R3HDM1: variants seen among roughly 807,000 people sequenced by gnomAD.
R3HDM1 encodes the protein R3H domain containing 1, also known as R3H domain-containing protein 1.
Under a neutral mutation model 141.1 loss-of-function variants are expected in R3HDM1, and 46 were observed. That is an observed-to-expected ratio of 0.33 (90% confidence interval 0.26 to 0.42). The LOEUF is 0.42. Among genes scored for constraint, R3HDM1 ranks in the 10% least tolerant of loss-of-function variants. The pLI, the probability that R3HDM1 is intolerant of heterozygous loss-of-function variation, is 1.00. For missense variants in R3HDM1, 1,184 were observed against 1,368.3 expected, an observed-to-expected ratio of 0.87 and a Z score of 2.12; for synonymous variants, 435 against 472.9, an observed-to-expected ratio of 0.92 and a Z score of 1.04.
chr2:135,615,601 G>A (rs2060949390), intron 3 of R3HDM1, among the ~76,000 whole-genome samples: 1 of 152,038 alleles, frequency 6.6e-6, no homozygotes. Context: ...CTGCTTCATT[G>A]CCTCACCTCA....
At chr2:135,714,190 C>T (rs889021880) in intron 23 of R3HDM1, among the ~76,000 whole-genome samples, 1 of 152,086 alleles carries the variant, frequency 6.6e-6, no homozygotes, top group Non-Finnish European at 1.5e-5. Flanking sequence ...GTTAACAAAG[C>T]AGTCGAAGTA....
intron 21 of R3HDM1, among the ~76,000 whole-genome samples, chr2:135,705,683 C>T (rs1251377750): frequency 6.6e-6 from 1 of 152,012 alleles, no homozygotes; most frequent in African/African-American, 2.4e-5. Flanking sequence ...AAGTAAGTTT[C>T]TAACTTTAAA....
chr2:135,582,478 C>T (rs1309939397), intron 1 of R3HDM1, among the ~76,000 whole-genome samples: 1 of 152,132 alleles, frequency 6.6e-6, no homozygotes, highest in Non-Finnish European at 1.5e-5. Context: ...AATGAGGAAG[C>T]TTCCAGAGTT....
chr2:135,678,757 C>CTTTTT (rs397738151), intron 20 of R3HDM1, among the ~76,000 whole-genome samples: 1 of 84,194 alleles, frequency 1.2e-5, no homozygotes, highest in African/African-American at 4.6e-5. Flanking sequence ...TACTGGCTTG[C>CTTTTT]TTTTTTTTTT....
Position 135,651,927 on chromosome 2 carries a change from A to G in R3HDM1, c.1923A>G (p.Leu641=). 3 of 1,613,002 alleles carry G rather than the reference A, an allele frequency of 1.9e-6. No homozygotes were observed. In the South Asian group the frequency reaches 3.3e-5, roughly 18 times the overall value. The change falls in exon 18 of 27, where the codon CTA becomes CTG. Residue 641 remains leucine, a synonymous_variant. Transcript: ENST00000683871. ...PPPPPPPPPP[L]PPGQPVPTAG... ...CACCACCACCTCCTCCTCCTCCCCT[A>G]CCACCTGGGCAGCCAGTCCCTACTG...
intron 15 of R3HDM1, among the ~76,000 whole-genome samples, chr2:135,642,324 A>G (rs1014579724): frequency 2.0e-5 from 3 of 152,156 alleles, no homozygotes; most frequent in African/African-American, 7.2e-5. Context: ...ATGTATTAAT[A>G]TTGACAATAC....
At chr2:135,616,053 T>C (rs1417358377) in intron 3 of R3HDM1, 99 bp from the exon 4 acceptor site, 3 of 1,187,606 alleles carry the variant, frequency 2.5e-6, no homozygotes, top group Non-Finnish European at 3.7e-6. Context: ...TTTCATACTT[T>C]ATGCACAGTT....
intron 1 of R3HDM1, among the ~76,000 whole-genome samples, chr2:135,591,989 C>G (rs1709386391): frequency 6.6e-6 from 1 of 152,180 alleles, no homozygotes; most frequent in African/African-American, 2.4e-5. Context: ...CTTCAGTGTT[C>G]AGAGTTTTTA....
chr2:135,645,250 T>A, intron 15 of R3HDM1, 129 bp from the exon 16 acceptor site: 1 of 795,236 alleles, frequency 1.3e-6, no homozygotes, highest in Non-Finnish European at 1.9e-6. Context: ...AATCTTTGTT[T>A]TCAAATATTA....
chr2:135,633,896 A>C (rs2062978320), intron 9 of R3HDM1: 1 of 152,232 alleles, frequency 6.6e-6, no homozygotes, highest in Non-Finnish European at 1.5e-5. Flanking sequence ...AGCTGCTCTT[A>C]GAAAAGTTGC....
In R3HDM1 at chr2:135,724,281, A is replaced by G. The variant is rs769786901; in HGVS notation, c.3394A>G (p.Ser1132Gly). 6 of 1,608,314 alleles carry G rather than the reference A, an allele frequency of 3.7e-6. No homozygotes were observed. Among genetic ancestry groups the G allele is most frequent in the East Asian group, 2.2e-5 (1 of 44,762 alleles). The change falls in exon 27 of 27, where the codon AGT becomes GGT. Residue 1132 changes from serine (S) to glycine (G), a missense_variant. Ser to Gly is a moderately conservative substitution (Grantham distance 56, BLOSUM62 0). This residue lies in a region of R3HDM1 where 182 missense variants were observed against 252.6 expected (regional missense o/e 0.72). Transcript: ENST00000683871. ...TGACTTTCACATTTTGGAAAGGGCA[A>G]GTTCTCAGTAACAGCCACCTTTGGA... The part of the protein sequence containing the change: ...HYDFHILERA[S>G]SQ
intron 19 of R3HDM1, among the ~76,000 whole-genome samples, chr2:135,674,073 AG>A (rs1281696460): frequency 1.8e-4 from 28 of 152,120 alleles, no homozygotes; most frequent in African/African-American, 6.5e-4. Context: ...CACCTGGCCA[AG>A]ATTTTTAGTT....
At chr2:135,535,927 A>G (rs1164913002) in intron 1 of R3HDM1, among the ~76,000 whole-genome samples, 1 of 152,054 alleles carries the variant, frequency 6.6e-6, no homozygotes, top group Non-Finnish European at 1.5e-5. Context: ...TCTAGATTTT[A>G]TCTTTACTAT....
intron 1 of R3HDM1, among the ~76,000 whole-genome samples, chr2:135,574,561 A>C (rs771797013): frequency 1.3e-5 from 2 of 152,256 alleles, no homozygotes; most frequent in African/African-American, 2.4e-5. Context: ...ATAAATCAGC[A>C]TCCCATAAGA....
intron 1 of R3HDM1, among the ~76,000 whole-genome samples, chr2:135,589,035 TAGA>T (rs1708610328): frequency 6.6e-6 from 1 of 152,150 alleles, no homozygotes; most frequent in Non-Finnish European, 1.5e-5. Flanking sequence ...GTATTTAAAA[TAGA>T]AGAACAGACG....
chr2:135,577,414 C>CAAAAAAAAAAAAAAAAAAAA (rs35038268), intron 1 of R3HDM1, among the ~76,000 whole-genome samples: 1 of 15,798 alleles, frequency 6.3e-5, no homozygotes, highest in Non-Finnish European at 1.7e-4. Flanking sequence ...ATTAAATGAC[C>CAAAAAAAAAAAAAAAAAAAA]AAAAAAAAAA....
intron 5 of R3HDM1, among the ~76,000 whole-genome samples, chr2:135,619,095 G>A (rs1041735909): frequency 6.6e-6 from 1 of 151,950 alleles, no homozygotes; most frequent in Admixed American, 6.6e-5. Flanking sequence ...GGAGTAGTAG[G>A]CAGTGTAATG....
chr2:135,704,393 T>C (rs764796497), intron 21 of R3HDM1, among the ~76,000 whole-genome samples: 2 of 152,246 alleles, frequency 1.3e-5, no homozygotes, highest in African/African-American at 4.8e-5. Flanking sequence ...AAATTAACTT[T>C]CTACTATAAC....
At chr2:135,621,275 T>C (rs2061490001) in intron 5 of R3HDM1, among the ~76,000 whole-genome samples, 1 of 152,074 alleles carries the variant, frequency 6.6e-6, no homozygotes, top group South Asian at 2.1e-4. Flanking sequence ...TTTGTTTTAA[T>C]TGATATATTC....
Sources: gnomAD v4.1 joint callset for allele counts (sites outside exome capture counted in the v4.1 genomes callset) on GRCh38, gnomAD v4.1.1 for gene constraint, gnomAD v4.1.1 regional missense constraint, MANE v1.5 for transcripts, NCBI Gene and HGNC (gene_info 2026-07-23, HGNC 2026-07-21) for gene names.